Variants in GFOD2 observed in about 807,000 individuals in gnomAD.
GFOD2 encodes glucose-fructose oxidoreductase domain-containing protein 2.
GFOD2 carries 9 observed loss-of-function variants against 24.6 expected under a neutral mutation model. The observed-to-expected ratio is 0.37, with a 90% CI of 0.22 to 0.64. The LOEUF is 0.64. GFOD2 is among the 30% of genes least tolerant of loss of function. The pLI is 0.65. For missense variants in GFOD2, 476 were observed against 532.5 expected (o/e 0.89, Z 1.04); for synonymous variants, 211 against 224.8 (o/e 0.94, Z 0.55).
chr16:67,717,932 G>T (rs771518933), intron 1 of GFOD2, among the ~76,000 whole-genome samples: 1 of 152,142 alleles, frequency 6.6e-6, no homozygotes, highest in African/African-American at 2.4e-5. Context: ...CAACAGAACC[G>T]TCTGTTGAAA....
chr16:67,699,632 T>C (rs2053386036), intron 1 of GFOD2, among the ~76,000 whole-genome samples: 1 of 151,944 alleles, frequency 6.6e-6, no homozygotes, highest in Non-Finnish European at 1.5e-5. Flanking sequence ...CACAGATGTG[T>C]ACCACCACGC....
chr16:67,704,852 A>G (rs2053428697), intron 1 of GFOD2, among the ~76,000 whole-genome samples: 1 of 152,218 alleles, frequency 6.6e-6, no homozygotes, highest in South Asian at 2.1e-4. Context: ...GTTCTTGCAT[A>G]GTTCTGAGGA....
intron 2 of GFOD2, chr16:67,683,150 C>A: frequency 1.1e-6 from 1 of 933,686 alleles, no homozygotes; most frequent in Non-Finnish European, 1.3e-6. Flanking sequence ...TTTGTAGAGA[C>A]GGGATCCCAC....
At chr16:67,710,076 C>T (rs902373404) in intron 1 of GFOD2, among the ~76,000 whole-genome samples, 4 of 149,622 alleles carry the variant, frequency 2.7e-5, no homozygotes, top group Non-Finnish European at 4.5e-5. Flanking sequence ...CTCCCGAGTA[C>T]CTGGGATACA....
rs1354794997 is a variant in GFOD2, at chr16:67,683,745, ATAAG to A, written c.259+1708_259+1711del. The stretch of plus-strand genomic sequence containing the variant: ...GACATTCCTCAGAATGAGGGAGGAG[ATAAG>A]TAGCAGACCCTGAGGTTTGCCACCA... On this transcript the variant is annotated intron_variant, in intron 2 of 2. Transcript: ENST00000268797. The A allele has an allele frequency of 9.0e-6, 11 of 1,228,084 alleles. No individual in the cohort carries two copies. In the South Asian group the frequency reaches 1.7e-4, roughly 19 times the overall value. The allele number at this position is 1,228,084 out of a possible 1,614,324, so 76.1% of individuals were successfully genotyped here.
intron 1 of GFOD2, among the ~76,000 whole-genome samples, chr16:67,718,296 G>T (rs2053520632): frequency 6.6e-6 from 1 of 152,172 alleles, no homozygotes; most frequent in African/African-American, 2.4e-5. Flanking sequence ...CATTTAAAAG[G>T]ACATCCACTT....
At chr16:67,717,006 C>T (rs1007931159) in intron 1 of GFOD2, among the ~76,000 whole-genome samples, 2 of 152,182 alleles carry the variant, frequency 1.3e-5, no homozygotes, top group African/African-American at 4.8e-5. Flanking sequence ...AAGCGATTCT[C>T]CTGCCTCAGC....
intron 1 of GFOD2, among the ~76,000 whole-genome samples, chr16:67,701,096 G>C (rs552240005): frequency 4.0e-5 from 6 of 151,562 alleles, no homozygotes; most frequent in African/African-American, 1.5e-4. Flanking sequence ...TACAATGTCT[G>C]AAATTCAGAA....
At chr16:67,697,858 A>G (rs992230947) in intron 1 of GFOD2, among the ~76,000 whole-genome samples, 2 of 152,304 alleles carry the variant, frequency 1.3e-5, no homozygotes, top group Admixed American at 6.5e-5. Context: ...AAAAAGATGA[A>G]AAGTCCTAAT....
chr16:67,708,526 A>T (rs533217245), intron 1 of GFOD2, among the ~76,000 whole-genome samples: 1 of 152,210 alleles, frequency 6.6e-6, no homozygotes, highest in African/African-American at 2.4e-5. Flanking sequence ...ACTCATACTG[A>T]GGAAGGGAGG....
At chr16:67,709,972 G>C (rs1288702434) in intron 1 of GFOD2, among the ~76,000 whole-genome samples, 1 of 151,428 alleles carries the variant, frequency 6.6e-6, no homozygotes, top group African/African-American at 2.4e-5. Context: ...TGGGGACAGA[G>C]TGTCACTCTG....
intron 1 of GFOD2, among the ~76,000 whole-genome samples, chr16:67,692,797 A>C (rs2053324508): frequency 6.6e-6 from 1 of 151,206 alleles, no homozygotes; most frequent in South Asian, 2.1e-4. Context: ...GAGGCTGAGG[A>C]GGGCGAATCA....
chr16:67,715,210 C>T (rs2053498808), intron 1 of GFOD2, among the ~76,000 whole-genome samples: 1 of 152,160 alleles, frequency 6.6e-6, no homozygotes, highest in Non-Finnish European at 1.5e-5. Flanking sequence ...AGGGACCCGC[C>T]ATCACACCCA....
At chr16:67,705,985 T>TC in intron 1 of GFOD2, among the ~76,000 whole-genome samples, 1 of 147,362 alleles carries the variant, frequency 6.8e-6, no homozygotes, top group East Asian at 2.0e-4. Flanking sequence ...TGATTTTTTT[T>TC]TTTTTTTTTT....
intron 1 of GFOD2, among the ~76,000 whole-genome samples, chr16:67,702,576 C>CA (rs1217601839): frequency 6.7e-6 from 1 of 148,732 alleles, no homozygotes; most frequent in African/African-American, 2.5e-5. Flanking sequence ...GCAGTATTGT[C>CA]ATGAAGGTAG....
At chr16:67,681,750 G>C (rs906802796) in intron 2 of GFOD2, 2 of 985,250 alleles carry the variant, frequency 2.0e-6, no homozygotes, top group African/African-American at 3.5e-5. Context: ...AGTAGTATCA[G>C]TGTGGGACTG....
intron 1 of GFOD2, among the ~76,000 whole-genome samples, chr16:67,708,488 G>A (rs912522485): frequency 6.6e-6 from 1 of 152,216 alleles, no homozygotes; most frequent in African/African-American, 2.4e-5. Flanking sequence ...AGCTCCAGAT[G>A]TTAGGAAGTC....
chr16:67,698,628 G>A (rs747276527), intron 1 of GFOD2, among the ~76,000 whole-genome samples: 41 of 152,108 alleles, frequency 2.7e-4, no homozygotes, highest in South Asian at 8.3e-4. Flanking sequence ...ACAGGTGTGC[G>A]CCACCATGCC....
intron 2 of GFOD2, chr16:67,681,000 C>CGG (rs2053221255): frequency 7.1e-6 from 7 of 985,332 alleles, no homozygotes; most frequent in Non-Finnish European, 7.2e-6. Flanking sequence ...CGGGGCCCGG[C>CGG]AGGGAGAGTA....
Sources: gnomAD v4.1 joint callset for allele counts (sites outside exome capture counted in the v4.1 genomes callset) on GRCh38, gnomAD v4.1.1 for gene constraint, MANE v1.5 for transcripts, NCBI Gene and HGNC (gene_info 2026-07-23, HGNC 2026-07-21) for gene names.